Variants in CLDN14 observed in about 807,000 individuals in gnomAD.
CLDN14 encodes claudin-14.
CLDN14 carries 2 observed loss-of-function variants against 2.1 expected under a neutral mutation model. The ratio of observed to expected loss-of-function variants is 0.96; its 90% CI spans 0.39 to 3.01. The LOEUF is 3.01. Among genes scored for constraint, CLDN14 ranks in the 30% most tolerant of loss-of-function variants. CLDN14 has a pLI of 0.09. For synonymous variants in CLDN14, 136 were observed against 154.4 expected (o/e 0.88, Z 0.88); for missense variants, 298 against 328.0 (o/e 0.91, Z 0.71).
chr21:36,489,132 ATATATATATAT>A (rs1231598693), intron 2 of CLDN14, among the ~76,000 whole-genome samples: 3 of 40,302 alleles, frequency 7.4e-5, no homozygotes, highest in South Asian at 1.3e-3. Flanking sequence ...AAAAAAAAAA[ATATATATATAT>A]ATATATATAT....
intron 1 of CLDN14, among the ~76,000 whole-genome samples, chr21:36,478,235 G>A (rs889456745): frequency 6.6e-6 from 1 of 152,198 alleles, no homozygotes; most frequent in African/African-American, 2.4e-5. Context: ...GTCTTAAGAA[G>A]CATTGAACCC....
At chr21:36,539,888 C>A (rs2087471912) in intron 1 of CLDN14, among the ~76,000 whole-genome samples, 1 of 135,060 alleles carries the variant, frequency 7.4e-6, no homozygotes, top group Non-Finnish European at 1.6e-5. Context: ...AGATGAGCGT[C>A]TGTGCAGAGG....
upstream of CLDN14, among the ~76,000 whole-genome samples, chr21:36,484,469 C>T (rs904681823): frequency 2.0e-5 from 3 of 152,122 alleles, no homozygotes; most frequent in Admixed American, 2.0e-4. Flanking sequence ...GTTCTGAAGG[C>T]CAAGAGTCCA....
intron 1 of CLDN14, among the ~76,000 whole-genome samples, chr21:36,547,695 G>A (rs927483069): frequency 2.0e-5 from 3 of 152,286 alleles, no homozygotes; most frequent in African/African-American, 2.4e-5. Flanking sequence ...AGGCAGTGAC[G>A]TGGCTTCTGG....
At chr21:36,529,679 A>G (rs2087364250) in intron 1 of CLDN14, among the ~76,000 whole-genome samples, 1 of 152,154 alleles carries the variant, frequency 6.6e-6, no homozygotes, top group African/African-American at 2.4e-5. Context: ...TTCTGTAATA[A>G]TTTCCCTTAA....
At chr21:36,501,023 A>G (rs1317555660) in intron 2 of CLDN14, among the ~76,000 whole-genome samples, 1 of 152,244 alleles carries the variant, frequency 6.6e-6, no homozygotes, top group Non-Finnish European at 1.5e-5. Context: ...AGCCCAGCTA[A>G]CACCCGGGGG....
chr21:36,501,657 C>T (rs1388865835), intron 2 of CLDN14, among the ~76,000 whole-genome samples: 1 of 152,074 alleles, frequency 6.6e-6, no homozygotes, highest in Admixed American at 6.6e-5. Context: ...GGTACGCCAC[C>T]CCCTGTCTCC....
At position 36,490,359 on chromosome 21, in the gene CLDN14, A is replaced by G. The variant is rs557359209; in HGVS notation, c.-82+20004T>C. 1.0e-4 allele frequency among the ~76,000 whole-genome samples: 15 copies of G among 148,104 alleles called. No homozygotes were observed. The South Asian group carries it at 3.1e-3, about 30-fold the overall frequency. On this transcript the variant is annotated intron_variant, in intron 2 of 2. Transcript: ENST00000342108. ...GCTGGGACTACAGGTGCGAACCACC[A>G]TGTCTGCTAGTTCAATTTTTTTTTA...
intron 1 of CLDN14, among the ~76,000 whole-genome samples, chr21:36,473,986 C>A (rs1368326088): frequency 6.6e-6 from 1 of 152,076 alleles, no homozygotes; most frequent in East Asian, 1.9e-4. Context: ...AAATTGGAGA[C>A]CTTGATAAGC....
At chr21:36,480,808 C>T (rs557040976), upstream of CLDN14, 1 of 152,192 alleles carries the variant, frequency 6.6e-6, no homozygotes, top group East Asian at 1.9e-4. Context: ...TGCGTGTCTT[C>T]CACAGTGTGC....
intron 1 of CLDN14, among the ~76,000 whole-genome samples, chr21:36,475,464 G>T (rs575677586): frequency 6.6e-6 from 1 of 152,230 alleles, no homozygotes; most frequent in African/African-American, 2.4e-5. Context: ...CTGATTCGCT[G>T]ACTGGGGTGG....
intron 1 of CLDN14, among the ~76,000 whole-genome samples, chr21:36,530,248 A>T (rs2087368632): frequency 6.6e-6 from 1 of 151,912 alleles, no homozygotes; most frequent in Non-Finnish European, 1.5e-5. Flanking sequence ...GTACAAATGA[A>T]GACACAGCCT....
rs1266017934 is a variant in CLDN14 at position 36,506,475 on chromosome 21, T to C, written c.-82+3888A>G. 2.0e-5 allele frequency among the ~76,000 whole-genome samples: 3 copies of C among 152,076 alleles called. No individual in the cohort carries two copies. The East Asian group carries it at 5.8e-4, about 29-fold the overall frequency. On this transcript the variant is annotated intron_variant, in intron 2 of 2. Coordinates refer to the CLDN14 transcript ENST00000342108. ...AGTTGGGTGTGGTGATGGATGTCTGTAATCCCAGCTATTTGGGAGGCTGAG... is the reference window on the plus strand; with the variant it reads ...AGTTGGGTGTGGTGATGGATGTCTGCAATCCCAGCTATTTGGGAGGCTGAG...
chr21:36,493,525 T>C (rs2086988561), intron 2 of CLDN14, among the ~76,000 whole-genome samples: 1 of 152,086 alleles, frequency 6.6e-6, no homozygotes, highest in Non-Finnish European at 1.5e-5. Flanking sequence ...GAGGTTCTTA[T>C]AATCCAGAAA....
intron 2 of CLDN14, among the ~76,000 whole-genome samples, chr21:36,491,678 G>C (rs1334559605): frequency 6.6e-6 from 1 of 152,120 alleles, no homozygotes; most frequent in Non-Finnish European, 1.5e-5. Context: ...GAGAAGGGTG[G>C]GGCTGTGTCA....
Position 36,499,901 on chromosome 21 carries a change from T to G in CLDN14, c.-82+10462A>C, listed in dbSNP as rs914015932. ...GGGGCTGGTGGAGAAAATCGGGGGG[T>G]CTCCGGAGCAACCCCGGGAGCAGTA... On this transcript the variant is annotated intron_variant, in intron 2 of 2. Coordinates refer to the CLDN14 transcript ENST00000342108. The surrounding 1 kb of genome is among the most constrained non-coding windows in gnomAD (Gnocchi z 4.7). Among the ~76,000 whole-genome samples, 4 of 151,516 alleles carry G rather than the reference T, an allele frequency of 2.6e-5. No individual in the cohort carries two copies. The South Asian group carries it at 8.4e-4, about 32-fold the overall frequency.
chr21:36,553,451 G>A (rs943998074), intron 1 of CLDN14, among the ~76,000 whole-genome samples: 1 of 152,072 alleles, frequency 6.6e-6, no homozygotes, highest in East Asian at 1.9e-4. Flanking sequence ...TACGCCTTCC[G>A]GTGACTGTCC....
chr21:36,575,737 T>G (rs769112810), intron 1 of CLDN14, among the ~76,000 whole-genome samples: 2 of 152,224 alleles, frequency 1.3e-5, no homozygotes, highest in Non-Finnish European at 2.9e-5. Flanking sequence ...TTTATTACAT[T>G]GCAGCTGTTG....
intron 1 of CLDN14, among the ~76,000 whole-genome samples, chr21:36,463,435 G>C (rs2086605181): frequency 6.6e-6 from 1 of 152,240 alleles, no homozygotes; most frequent in Non-Finnish European, 1.5e-5. Context: ...TCCCCATCGG[G>C]GCTCGGCGGC....
Sources: gnomAD v4.1 joint callset for allele counts (sites outside exome capture counted in the v4.1 genomes callset) on GRCh38, gnomAD v4.1.1 for gene constraint, Gnocchi (gnomAD v3.1) non-coding constraint, MANE v1.5 for transcripts, NCBI Gene and HGNC (gene_info 2026-07-23, HGNC 2026-07-21) for gene names.